The following GAS7 variants were observed in gnomAD, a reference collection of about 807,000 sequenced individuals.
GAS7 encodes growth arrest specific 7.
GAS7 carries 28 observed loss-of-function variants against 71.1 expected under a neutral mutation model. The observed-to-expected ratio is 0.39, with a 90% CI of 0.29 to 0.54. GAS7 has a LOEUF of 0.54. Among genes scored for constraint, GAS7 ranks in the 20% least tolerant of loss-of-function variants. The pLI is 0.62. For missense variants in GAS7, 436 were observed against 627.8 expected, an observed-to-expected ratio of 0.69 and a Z score of 3.27; for synonymous variants, 258 against 245.8, an observed-to-expected ratio of 1.05 and a Z score of -0.46.
intron 1 of GAS7, among the ~76,000 whole-genome samples, chr17:10,187,315 C>T (rs1169519022): frequency 6.6e-6 from 1 of 152,154 alleles, no homozygotes; most frequent in Non-Finnish European, 1.5e-5. Flanking sequence ...AAAAGCAAAT[C>T]CATGTTGCTT....
intron 2 of GAS7, among the ~76,000 whole-genome samples, chr17:10,007,023 T>C (rs929283488): frequency 3.3e-5 from 5 of 152,224 alleles, no homozygotes; most frequent in African/African-American, 1.2e-4. Flanking sequence ...AGAAGTTGTG[T>C]TTTCTCATTA....
At chr17:10,157,675 G>C (rs2142114511) in intron 1 of GAS7, among the ~76,000 whole-genome samples, 1 of 152,270 alleles carries the variant, frequency 6.6e-6, no homozygotes, top group Admixed American at 6.5e-5. Flanking sequence ...AGACACTTTG[G>C]AACCAGGTTT....
intron 7 of GAS7, among the ~76,000 whole-genome samples, chr17:9,942,359 G>A (rs1418068904): frequency 6.7e-6 from 1 of 149,600 alleles, no homozygotes; most frequent in Non-Finnish European, 1.5e-5. Flanking sequence ...ATGGGTGATA[G>A]GTGGGTATGT....
chr17:10,180,791 A>G (rs1297174726), intron 1 of GAS7, among the ~76,000 whole-genome samples: 2 of 151,730 alleles, frequency 1.3e-5, no homozygotes, highest in Admixed American at 6.6e-5. Context: ...TTTTTTCCCC[A>G]TGTGAAGCCA....
intron 2 of GAS7, among the ~76,000 whole-genome samples, chr17:9,993,174 C>G (rs1230650446): frequency 6.6e-6 from 1 of 150,986 alleles, no homozygotes; most frequent in African/African-American, 2.4e-5. Context: ...CCTGAGGAAT[C>G]GCCACACTGA....
At chr17:9,920,207 G>A (rs894307076) in intron 11 of GAS7, among the ~76,000 whole-genome samples, 39 of 152,020 alleles carry the variant, frequency 2.6e-4, no homozygotes, top group Non-Finnish European at 5.0e-4. Flanking sequence ...GTGTGTGCAT[G>A]AACACACTGC....
intron 1 of GAS7, among the ~76,000 whole-genome samples, chr17:10,089,088 G>C (rs2073552872): frequency 6.6e-6 from 1 of 152,006 alleles, no homozygotes; most frequent in African/African-American, 2.4e-5. Flanking sequence ...TTGAACCCAG[G>C]AGGCAGAGGT....
At chr17:9,963,547 C>T (rs935971980) in intron 4 of GAS7, among the ~76,000 whole-genome samples, 1 of 151,888 alleles carries the variant, frequency 6.6e-6, no homozygotes, top group Non-Finnish European at 1.5e-5. Context: ...CTGAAGGGAT[C>T]CTGGACTGGG....
In GAS7 at chr17:9,911,862, A is replaced by AC; in HGVS notation, c.*5365dup. On this transcript the variant is annotated 3_prime_UTR_variant, in exon 14 of 14. Transcript: ENST00000432992. The surrounding 1 kb of genome is among the most constrained non-coding windows in gnomAD (Gnocchi z 4.0). ...ACCTTTCACTGAGCAGGGGGCATGA[A>AC]CAAGACACAGCTTAGTGGAGTGTTT... 8.6e-6 allele frequency: 2 copies of AC among 231,928 alleles called. No homozygotes were observed. The highest frequency in any genetic ancestry group is 2.2e-5 in the African/African-American group (1 of 45,366). The allele number at this position is 231,928 out of a possible 1,614,324, so 14.4% of individuals were successfully genotyped here.
intron 1 of GAS7, among the ~76,000 whole-genome samples, chr17:10,121,885 C>T (rs2073907188): frequency 6.6e-6 from 1 of 152,134 alleles, no homozygotes; most frequent in African/African-American, 2.4e-5. Context: ...TGGAATGCAC[C>T]CCCTCCCACA....
chr17:10,168,372 G>A (rs72810921), intron 1 of GAS7, among the ~76,000 whole-genome samples: 7,536 of 152,242 alleles, frequency 0.05, 241 homozygotes, highest in South Asian at 0.097. Context: ...TTCCACAGAG[G>A]CCTAGGGAAG....
At position 10,198,231 on chromosome 17, in the gene GAS7, C is replaced by T. The variant is rs1352847475; in HGVS notation, c.160G>A (p.Ala54Thr). ...ACCTCCAGCAACTGCACGTAGCTCG[C>T]CGGGAACCAGCCACGGAGCCCGTCC... ...KEDGLRGWFPASYVQLLEKPG... is the reference protein window; with the variant it reads ...KEDGLRGWFPTSYVQLLEKPG... Residue 54 changes from alanine to threonine, a missense_variant, in exon 1 of 14, where the codon GCG becomes ACG. Coordinates refer to ENST00000432992, the MANE Select transcript of GAS7 (RefSeq NM_201433.2). 1.2e-6 allele frequency: 2 copies of T among 1,608,108 alleles called. No homozygotes were observed. Among genetic ancestry groups the T allele is most frequent in the Non-Finnish European group, 1.7e-6 (2 of 1,179,462 alleles).
intron 1 of GAS7, among the ~76,000 whole-genome samples, chr17:10,112,281 G>A (rs955835664): frequency 2.0e-5 from 3 of 152,186 alleles, no homozygotes; most frequent in Non-Finnish European, 2.9e-5. Context: ...GTTTGCCCAC[G>A]TGTGGGGCTT....
rs71365731 is a variant in GAS7, at chr17:10,165,291, C to CAAAAAAAAA, written c.183+32908_183+32916dup. Among the ~76,000 whole-genome samples the CAAAAAAAAA allele has an allele frequency of 3.9e-5, 3 of 77,634 alleles. 1 individual carries two copies. The highest frequency in any genetic ancestry group is 7.9e-5 in the Non-Finnish European group (3 of 37,846). 50.9% of individuals were successfully genotyped at this position (77,634 alleles called of 152,430 possible). On this transcript the variant is annotated intron_variant, in intron 1 of 13. Coordinates refer to ENST00000432992, the MANE Select transcript of GAS7 (RefSeq NM_201433.2). Reference sequence around the variant, plus strand: ...TGTGCGACAGAGCGAGATTCCTTCTCAAAAAAAAAAAAAAAAAAAAGAAAA... The same window carrying CAAAAAAAAA: ...TGTGCGACAGAGCGAGATTCCTTCTCAAAAAAAAAAAAAAAAAAAAAAAAAAAAAGAAAA...
intron 1 of GAS7, among the ~76,000 whole-genome samples, chr17:10,194,658 C>T (rs1285442142): frequency 6.6e-6 from 1 of 152,124 alleles, no homozygotes; most frequent in African/African-American, 2.4e-5. Context: ...TCTTCCTCTA[C>T]CATATCTCTC....
At chr17:10,153,038 C>CAAAAAAAAAAAAAAA (rs397857973) in intron 1 of GAS7, among the ~76,000 whole-genome samples, 1 of 76,026 alleles carries the variant, frequency 1.3e-5, no homozygotes, top group African/African-American at 4.4e-5. Context: ...ACTAAAAATA[C>CAAAAAAAAAAAAAAA]AAAAAAAAAA....
intron 1 of GAS7, among the ~76,000 whole-genome samples, chr17:10,165,275 G>C (rs1449960881): frequency 2.2e-5 from 3 of 133,376 alleles, no homozygotes; most frequent in East Asian, 2.2e-4. Context: ...CTGTGCGACA[G>C]AGCGAGATTC....
chr17:10,120,001 G>A (rs1282297623), intron 1 of GAS7, among the ~76,000 whole-genome samples: 2 of 152,136 alleles, frequency 1.3e-5, no homozygotes, highest in Non-Finnish European at 2.9e-5. Flanking sequence ...GCTGGCACTC[G>A]CTTTCGGAAG....
chr17:10,078,080 T>TGTG (rs1555531361), intron 1 of GAS7, among the ~76,000 whole-genome samples: 4,994 of 133,788 alleles, frequency 0.037, 98 homozygotes, highest in African/African-American at 0.066. Flanking sequence ...TGTGTGTGTG[T>TGTG]TTTGTTTTGT....
Sources: gnomAD v4.1 joint callset for allele counts (sites outside exome capture counted in the v4.1 genomes callset) on GRCh38, gnomAD v4.1.1 for gene constraint, Gnocchi (gnomAD v3.1) non-coding constraint, MANE v1.5 for transcripts, NCBI Gene and HGNC (gene_info 2026-07-23, HGNC 2026-07-21) for gene names.